Variants in SIPA1L3 observed in about 807,000 individuals in gnomAD.
SIPA1L3 encodes the protein signal induced proliferation associated 1 like 3.
Under a neutral mutation model 150.1 loss-of-function variants are expected in SIPA1L3, and 59 were observed. That is an observed-to-expected ratio of 0.39 (90% CI 0.32 to 0.49). The LOEUF (loss-of-function observed/expected upper bound fraction) is 0.49. Among genes scored for constraint, SIPA1L3 ranks in the 20% least tolerant of loss-of-function variants. The pLI is 0.86. For synonymous variants in SIPA1L3, 1,070 were observed against 1,077.6 expected (o/e 0.99, Z 0.14); for missense variants, 2,211 against 2,489.5 (o/e 0.89, Z 2.38).
At chr19:38,118,976 CTTGAGCCCAGGAGT>C in intron 8 of SIPA1L3, among the ~76,000 whole-genome samples, 2 of 152,266 alleles carry the variant, frequency 1.3e-5, no homozygotes, top group East Asian at 3.9e-4. Context: ...GGTAGGATGG[CTTGAGCCCAGGAGT>C]TTGAGACCAG....
chr19:37,910,396 C>G (rs1049149950), intron 1 of SIPA1L3, among the ~76,000 whole-genome samples: 1 of 151,822 alleles, frequency 6.6e-6, no homozygotes, highest in Admixed American at 6.6e-5. Flanking sequence ...TGGCGAAACC[C>G]CATCTCTACA....
intron 7 of SIPA1L3, chr19:38,108,700 A>G (rs1485117320): frequency 2.0e-5 from 3 of 152,170 alleles, no homozygotes; most frequent in Admixed American, 6.5e-5. Flanking sequence ...AATAAGAACA[A>G]TATAATAGGC....
chr19:38,098,641 C>T (rs780581076), intron 4 of SIPA1L3, among the ~76,000 whole-genome samples: 1 of 152,090 alleles, frequency 6.6e-6, no homozygotes, highest in African/African-American at 2.4e-5. Flanking sequence ...GTGGTCCGCC[C>T]GCCTCGGCCT....
intron 15 of SIPA1L3, among the ~76,000 whole-genome samples, chr19:38,169,875 G>T (rs1972288922): frequency 6.6e-6 from 1 of 152,080 alleles, no homozygotes; most frequent in Non-Finnish European, 1.5e-5. Flanking sequence ...CCCAGGCTAA[G>T]GGGTCAGGGC....
intron 1 of SIPA1L3, chr19:37,964,579 C>T (rs542517555): frequency 1.3e-5 from 2 of 152,636 alleles, no homozygotes; most frequent in Non-Finnish European, 2.9e-5. Flanking sequence ...ACTGCAACCT[C>T]TGCCTCCCAG....
At chr19:38,077,121 A>G (rs855623) in intron 2 of SIPA1L3, among the ~76,000 whole-genome samples, 24,474 of 152,172 alleles carry the variant, frequency 0.16, 2,102 homozygotes, top group African/African-American at 0.22. Context: ...TCTGCCAACC[A>G]GAGGCAGCAG....
At chr19:37,928,458 C>T (rs1341660042) in intron 1 of SIPA1L3, among the ~76,000 whole-genome samples, 1 of 152,152 alleles carries the variant, frequency 6.6e-6, no homozygotes, top group African/African-American at 2.4e-5. Flanking sequence ...GTGGTCCCAG[C>T]TATTCGAGAG....
In SIPA1L3 at chr19:37,980,563, G is replaced by A. The variant is rs552467521; in HGVS notation, c.-378-48526G>A. Among the ~76,000 whole-genome samples the A allele has an allele frequency of 2.6e-5, 4 of 152,300 alleles. No homozygotes were observed. In the East Asian group the frequency reaches 5.8e-4, roughly 22 times the overall value. ...TGTGAACAGCATGCTTCCAGGTTCCGGGGAGCGTGGCTCCCTCCAGAGCAG... is the reference window on the plus strand; with the variant it reads ...TGTGAACAGCATGCTTCCAGGTTCCAGGGAGCGTGGCTCCCTCCAGAGCAG... On this transcript the variant is annotated intron_variant, in intron 1 of 21. Coordinates refer to ENST00000222345, the MANE Select transcript of SIPA1L3 (RefSeq NM_015073.3).
chr19:37,970,653 C>T (rs1362140840), intron 1 of SIPA1L3, among the ~76,000 whole-genome samples: 2 of 152,220 alleles, frequency 1.3e-5, no homozygotes, highest in Admixed American at 1.3e-4. Flanking sequence ...CCCTCCTCTC[C>T]TGCAGGATGT....
chr19:38,037,606 T>G, intron 2 of SIPA1L3, among the ~76,000 whole-genome samples: 1 of 152,202 alleles, frequency 6.6e-6, no homozygotes, highest in South Asian at 2.1e-4. Context: ...GTTCCCACTC[T>G]TTGGCAGGGG....
intron 1 of SIPA1L3, among the ~76,000 whole-genome samples, chr19:37,989,665 C>CTTTTTT (rs74174502): frequency 7.8e-6 from 1 of 127,610 alleles, no homozygotes; most frequent in Non-Finnish European, 1.6e-5. Flanking sequence ...AGGATGAATT[C>CTTTTTT]TTTTTTTTTT....
At position 38,164,687 on chromosome 19, in the gene SIPA1L3, G is replaced by A. The variant is rs61729146; in HGVS notation, c.3989G>A (p.Arg1330Gln). Residue 1330 changes from arginine to glutamine, a missense_variant, in exon 15 of 22, where the codon CGG (arginine) becomes CAG (glutamine). Physicochemically the swap from Arg to Gln is conservative, Grantham distance 43. Transcript: ENST00000222345. This position sits in a 1 kb window ranked among gnomAD's most constrained non-coding sequence, Gnocchi z 4.1. Reference sequence around the variant, plus strand: ...TGCATGTCCCTGGCCAAGGCTCCACGGCCCGCCAAGCCACACAAGCCCCCT... The same window carrying A: ...TGCATGTCCCTGGCCAAGGCTCCACAGCCCGCCAAGCCACACAAGCCCCCT... Reference protein sequence around the residue: ...PSCMSLAKAPRPAKPHKPPGS... With the variant: ...PSCMSLAKAPQPAKPHKPPGS... 3.0e-5 allele frequency: 48 copies of A among 1,613,618 alleles called. No individual in the cohort carries two copies. Among genetic ancestry groups the A allele is most frequent in the Admixed American group, 6.7e-5 (4 of 59,966 alleles).
At position 38,206,282 on chromosome 19, in the gene SIPA1L3, C is replaced by A. The variant is rs369976709; in HGVS notation, c.*42C>A. On this transcript the variant is annotated 3_prime_UTR_variant, in exon 22 of 22. Transcript: ENST00000222345. ...CCGCCTTCGCTCCTTCCCCTCAGGC[C>A]GTGGCCCTGCTGCCTCTCTCCCTCC... 6.7e-7 allele frequency: 1 copy of A among 1,500,984 alleles called. No homozygotes were observed. The highest frequency in any genetic ancestry group is 8.9e-7 in the Non-Finnish European group (1 of 1,117,412). The allele number at this position is 1,500,984 out of a possible 1,614,324, so 93.0% of individuals were successfully genotyped here. A position where few individuals can be genotyped will look rare whatever the true frequency, so the allele number is the denominator to read the frequency against.
At chr19:38,108,482 C>T (rs1342127671) in intron 7 of SIPA1L3, 1 of 152,130 alleles carries the variant, frequency 6.6e-6, no homozygotes, top group Non-Finnish European at 1.5e-5. Flanking sequence ...CAGGACCAGC[C>T]ACAGTCAATA....
intron 2 of SIPA1L3, among the ~76,000 whole-genome samples, chr19:38,057,982 C>T (rs1400943722): frequency 6.6e-6 from 1 of 152,014 alleles, no homozygotes; most frequent in Non-Finnish European, 1.5e-5. Flanking sequence ...TTTTAAAGCT[C>T]TTGCCAAATT....
intron 18 of SIPA1L3, among the ~76,000 whole-genome samples, chr19:38,194,293 C>G (rs1349247582): frequency 6.6e-6 from 1 of 152,244 alleles, no homozygotes; most frequent in African/African-American, 2.4e-5. Context: ...GCACACCACC[C>G]GCATCAAAAG....
At chr19:38,129,353 T>C (rs1971255472) in intron 9 of SIPA1L3, among the ~76,000 whole-genome samples, 1 of 151,580 alleles carries the variant, frequency 6.6e-6, no homozygotes, top group Non-Finnish European at 1.5e-5. Flanking sequence ...AGGCCGGGCA[T>C]GGTGGCTCAC....
intron 4 of SIPA1L3, among the ~76,000 whole-genome samples, chr19:38,090,549 T>G (rs1173813976): frequency 6.6e-6 from 1 of 152,012 alleles, no homozygotes; most frequent in Non-Finnish European, 1.5e-5. Flanking sequence ...GCAGGGCAGA[T>G]CCTCAGCAAA....
At chr19:38,103,494 GGCACAT>G (rs1970553095) in intron 6 of SIPA1L3, among the ~76,000 whole-genome samples, 1 of 151,936 alleles carries the variant, frequency 6.6e-6, no homozygotes. Context: ...CAGGTGTGGT[GGCACAT>G]GCCTGTAATC....
Sources: gnomAD v4.1 joint callset for allele counts (sites outside exome capture counted in the v4.1 genomes callset) on GRCh38, gnomAD v4.1.1 for gene constraint, Gnocchi (gnomAD v3.1) non-coding constraint, MANE v1.5 for transcripts, NCBI Gene and HGNC (gene_info 2026-07-23, HGNC 2026-07-21) for gene names.